Variants in ZNF385D observed in about 807,000 individuals in gnomAD.
ZNF385D encodes zinc finger protein 385D.
A neutral mutation model predicts 35.8 loss-of-function variants in ZNF385D; 15 were observed. The observed-to-expected ratio is 0.42, with a 90% CI of 0.28 to 0.64. ZNF385D has a LOEUF of 0.64. Among genes scored for constraint, ZNF385D ranks in the 30% least tolerant of loss-of-function variants. The probability of loss-of-function intolerance (pLI) is 0.23; values close to 1 mark genes in which losing one functional copy is unlikely to be tolerated. For missense variants in ZNF385D, 474 were observed against 494.6 expected, an observed-to-expected ratio of 0.96 and a Z score of 0.39; for synonymous variants, 212 against 186.8, an observed-to-expected ratio of 1.13 and a Z score of -1.10.
rs1054572779 is a variant in ZNF385D at position 21,460,686 on chromosome 3, AT to A, written c.440-23484del. Reference sequence around the variant, plus strand: ...TTTATATCATTTTCTATTCACTACAATTTTTTTTAAGGAAAGGAGATACAAT... The same window carrying A: ...TTTATATCATTTTCTATTCACTACAATTTTTTTAAGGAAAGGAGATACAAT... On this transcript the variant is annotated intron_variant, in intron 4 of 7. Transcript: ENST00000281523. Among the ~76,000 whole-genome samples the A allele has an allele frequency of 8.8e-4, 128 of 145,798 alleles. 1 individual carries two copies. Among genetic ancestry groups the A allele is most frequent in the East Asian group, 5.4e-3 (28 of 5,170 alleles).
intron 2 of ZNF385D, among the ~76,000 whole-genome samples, chr3:22,253,015 G>A (rs575299434): frequency 2.0e-5 from 3 of 152,200 alleles, no homozygotes; most frequent in African/African-American, 7.2e-5. Context: ...TGCAGGCACA[G>A]TGTTAACCTG....
chr3:21,670,647 GGCGCCCCCCCCCC>G (rs869277419), intron 1 of ZNF385D, among the ~76,000 whole-genome samples: 6,692 of 15,494 alleles, frequency 0.43, 1,311 homozygotes, highest in Middle Eastern at 0.67. Context: ...GAAATCCTAA[GGCGCCCCCCCCCC>G]CCCCCCCCCC....
At position 21,432,594 on chromosome 3, in the gene ZNF385D, T is replaced by TG. The variant is rs1449783881; in HGVS notation, c.673+4375_673+4376insC. 2.0e-5 allele frequency among the ~76,000 whole-genome samples: 3 copies of TG among 152,186 alleles called. No homozygotes were observed. The East Asian group carries it at 5.8e-4, about 29-fold the overall frequency. ...ACCTACTAGGATATTTGGGGGAATT[T>TG]TTTTTTGTGGGGGGAAATTTTTTTA... On this transcript the variant is annotated intron_variant, in intron 5 of 7. Coordinates refer to ENST00000281523, the MANE Select transcript of ZNF385D (RefSeq NM_024697.3).
At chr3:21,508,743 T>C (rs919342401) in intron 4 of ZNF385D, among the ~76,000 whole-genome samples, 1 of 152,214 alleles carries the variant, frequency 6.6e-6, no homozygotes, top group Non-Finnish European at 1.5e-5. Flanking sequence ...AAACTTTGTC[T>C]ATAAAAATGA....
At chr3:22,021,455 A>G (rs1407829269) in intron 3 of ZNF385D, among the ~76,000 whole-genome samples, 2 of 152,072 alleles carry the variant, frequency 1.3e-5, no homozygotes, top group Non-Finnish European at 2.9e-5. Flanking sequence ...TAGAGTCACA[A>G]TATCTTAGGT....
At chr3:21,851,478 C>T (rs2670269) in intron 3 of ZNF385D, among the ~76,000 whole-genome samples, 135,164 of 152,082 alleles carry the variant, frequency 0.89, 60,344 homozygotes, top group African/African-American at 0.96. Flanking sequence ...TGAATGTTCA[C>T]AGAACCTTTA....
intron 3 of ZNF385D, among the ~76,000 whole-genome samples, chr3:22,016,971 C>G (rs948125439): frequency 6.6e-6 from 1 of 151,922 alleles, no homozygotes; most frequent in South Asian, 2.1e-4. Context: ...CACACACACA[C>G]TTTCTCATTT....
intron 3 of ZNF385D, among the ~76,000 whole-genome samples, chr3:22,027,004 C>T (rs1697596685): frequency 6.6e-6 from 1 of 152,206 alleles, no homozygotes; most frequent in Non-Finnish European, 1.5e-5. Flanking sequence ...ATCCTGGTAC[C>T]TGGTATGCAG....
chr3:22,220,360 T>C (rs909662141), intron 2 of ZNF385D, among the ~76,000 whole-genome samples: 1 of 152,166 alleles, frequency 6.6e-6, no homozygotes, highest in African/African-American at 2.4e-5. Context: ...TAGGAGCCAC[T>C]GCCTCCAGCA....
chr3:22,141,461 A>G lies in ZNF385D; in HGVS notation c.325+27356T>C, dbSNP rs562734595. ...CTTGATTTTGTTTACATCTTGAGAA[A>G]GACAAAGAAGGAATCCTAGCTAAAC... On this transcript the variant is annotated intron_variant, in intron 3 of 5. Transcript: ENST00000494108. Among the ~76,000 whole-genome samples, 4 of 152,346 alleles carry G rather than the reference A, an allele frequency of 2.6e-5. No individual in the cohort carries two copies. In the East Asian group the frequency reaches 7.7e-4, roughly 29 times the overall value.
At chr3:22,334,680 TTTCA>T (rs1247691769) in intron 2 of ZNF385D, among the ~76,000 whole-genome samples, 3 of 152,176 alleles carry the variant, frequency 2.0e-5, no homozygotes, top group African/African-American at 7.2e-5. Flanking sequence ...TTGTTTCAGA[TTTCA>T]TTGTTTTTGT....
intron 2 of ZNF385D, among the ~76,000 whole-genome samples, chr3:22,195,255 G>C (rs1696333427): frequency 1.3e-5 from 2 of 151,754 alleles, no homozygotes; most frequent in African/African-American, 2.4e-5. Flanking sequence ...TTAACTCCTA[G>C]TTCAAAGGAA....
intron 3 of ZNF385D, among the ~76,000 whole-genome samples, chr3:21,940,124 G>A (rs536581530): frequency 1.3e-5 from 2 of 152,016 alleles, no homozygotes; most frequent in African/African-American, 2.4e-5. Flanking sequence ...CTTTTGTCTT[G>A]TTTGCGTTAT....
At chr3:21,498,248 C>A (rs903482159) in intron 4 of ZNF385D, among the ~76,000 whole-genome samples, 2 of 151,974 alleles carry the variant, frequency 1.3e-5, no homozygotes, top group Non-Finnish European at 2.9e-5. Context: ...AAGGTAAAAT[C>A]TAAAATGACA....
chr3:21,565,512 G>C (rs941943293), intron 2 of ZNF385D, among the ~76,000 whole-genome samples: 3 of 151,544 alleles, frequency 2.0e-5, no homozygotes, highest in Admixed American at 6.6e-5. Context: ...CCAAGTAGCT[G>C]GGAGTACAGG....
chr3:21,921,842 GAA>G (rs71780202), intron 3 of ZNF385D, among the ~76,000 whole-genome samples: 4 of 140,732 alleles, frequency 2.8e-5, no homozygotes, highest in South Asian at 4.4e-4. Flanking sequence ...AATCAGTAAT[GAA>G]AAAAAAAAAA....
chr3:21,602,517 C>CTTTTTTTTTTTTTTTTTTTTTTTTTTTT lies in ZNF385D; in HGVS notation c.166-37834_166-37833insAAAAAAAAAAAAAAAAAAAAAAAAAAAA, dbSNP rs746138066. 2.7e-4 allele frequency among the ~76,000 whole-genome samples: 17 copies of CTTTTTTTTTTTTTTTTTTTTTTTTTTTT among 62,714 alleles called. 3 individuals are homozygous for CTTTTTTTTTTTTTTTTTTTTTTTTTTTT. The highest frequency in any genetic ancestry group is 4.4e-4 in the Non-Finnish European group (15 of 34,106). 41.1% of individuals were successfully genotyped at this position (62,714 alleles called of 152,430 possible). A position where few individuals can be genotyped will look rare whatever the true frequency, so the allele number is the denominator to read the frequency against. ...TAGGTCTCCTGTTTCCCTGCATTTT[C>CTTTTTTTTTTTTTTTTTTTTTTTTTTTT]TTTTTTTTTTTTTTTTTTTTTTTTT... On this transcript the variant is annotated intron_variant, in intron 2 of 7. Transcript: ENST00000281523.
chr3:21,790,323 A>C (rs958445891), intron 3 of ZNF385D, among the ~76,000 whole-genome samples: 3 of 152,134 alleles, frequency 2.0e-5, no homozygotes, highest in Non-Finnish European at 2.9e-5. Context: ...GCTAAAATAG[A>C]TGGTGTTGAG....
intron 2 of ZNF385D, among the ~76,000 whole-genome samples, chr3:22,201,062 C>T (rs999267865): frequency 5.9e-5 from 9 of 151,836 alleles, no homozygotes; most frequent in African/African-American, 1.9e-4. Flanking sequence ...GATTAAGAGA[C>T]TAAAGTAAAG....
Sources: gnomAD v4.1 joint callset for allele counts (sites outside exome capture counted in the v4.1 genomes callset) on GRCh38, gnomAD v4.1.1 for gene constraint, MANE v1.5 for transcripts, NCBI Gene and HGNC (gene_info 2026-07-23, HGNC 2026-07-21) for gene names.